The following CRACDL variants were observed in gnomAD, a reference collection of about 807,000 sequenced individuals.
CRACDL encodes the protein CRACD-like protein.
In CRACDL, 26 loss-of-function variants were observed where a neutral mutation model predicts 70.6. The observed-to-expected ratio is 0.37, with a 90% CI of 0.27 to 0.51. The LOEUF (loss-of-function observed/expected upper bound fraction) is 0.51, where lower values mean the gene tolerates loss of function less well. CRACDL is among the 20% of genes least tolerant of loss of function. The probability of loss-of-function intolerance (pLI) is 0.94; values close to 1 mark genes in which losing one functional copy is unlikely to be tolerated. For missense variants in CRACDL, 1,283 were observed against 1,376.9 expected, an observed-to-expected ratio of 0.93 and a Z score of 1.08; for synonymous variants, 618 against 615.2, an observed-to-expected ratio of 1.00 and a Z score of -0.07.
intron 7 of CRACDL, among the ~76,000 whole-genome samples, chr2:98,817,301 G>A (rs1021201940): frequency 2.0e-5 from 3 of 152,088 alleles, no homozygotes; most frequent in Admixed American, 1.3e-4. Flanking sequence ...TGTACCTATA[G>A]ACAACAATAC....
At chr2:98,925,805 C>T (rs867441657) in intron 1 of CRACDL, among the ~76,000 whole-genome samples, 7 of 152,052 alleles carry the variant, frequency 4.6e-5, no homozygotes, top group Non-Finnish European at 7.4e-5. Flanking sequence ...GAGCAATGCT[C>T]GACAGGTGGA....
At chr2:98,844,141 A>G (rs1007928323) in intron 2 of CRACDL, among the ~76,000 whole-genome samples, 1 of 152,178 alleles carries the variant, frequency 6.6e-6, no homozygotes, top group South Asian at 2.1e-4. Context: ...TAAAGAGTGC[A>G]CTGCAATCTC....
chr2:98,818,514 A>T (rs1302278051), intron 7 of CRACDL, among the ~76,000 whole-genome samples: 1 of 152,184 alleles, frequency 6.6e-6, no homozygotes, highest in African/African-American at 2.4e-5. Context: ...CCCTGGAGGG[A>T]GGACGGGGGA....
At chr2:98,826,474 G>T (rs1705306587) in intron 6 of CRACDL, among the ~76,000 whole-genome samples, 2 of 152,216 alleles carry the variant, frequency 1.3e-5, no homozygotes, top group Admixed American at 6.5e-5. Flanking sequence ...TTTGGCATGT[G>T]GCGAGTGTTC....
intron 1 of CRACDL, among the ~76,000 whole-genome samples, chr2:98,921,143 G>A (rs1006132793): frequency 6.6e-6 from 1 of 152,218 alleles, no homozygotes; most frequent in African/African-American, 2.4e-5. Flanking sequence ...GCCCCGTCTT[G>A]GAAATCAAGT....
chr2:98,809,624 C>T (rs2104431143), intron 7 of CRACDL: 1 of 152,278 alleles, frequency 6.6e-6, no homozygotes, highest in East Asian at 1.9e-4. Flanking sequence ...CTTTATTCCT[C>T]CCCACCGTCC....
At chr2:98,906,924 T>C (rs934132284) in intron 1 of CRACDL, among the ~76,000 whole-genome samples, 1 of 152,164 alleles carries the variant, frequency 6.6e-6, no homozygotes, top group African/African-American at 2.4e-5. Flanking sequence ...TTATTCCTAA[T>C]GTATGACGTT....
intron 7 of CRACDL, among the ~76,000 whole-genome samples, chr2:98,811,927 T>C (rs1704582303): frequency 1.3e-5 from 2 of 152,234 alleles, no homozygotes; most frequent in Admixed American, 6.5e-5. Flanking sequence ...TGTTTCCCAT[T>C]CACCAGCTGA....
intron 3 of CRACDL, among the ~76,000 whole-genome samples, chr2:98,837,350 T>G (rs754955443): frequency 8.6e-5 from 13 of 151,906 alleles, no homozygotes; most frequent in Non-Finnish European, 2.9e-5. Flanking sequence ...GACACCACTA[T>G]TGGGATGCTC....
chr2:98,888,987 G>C (rs928169907), intron 1 of CRACDL, among the ~76,000 whole-genome samples: 13 of 151,910 alleles, frequency 8.6e-5, no homozygotes, highest in African/African-American at 3.1e-4. Context: ...AATTAGCCAG[G>C]CATGGTGGTA....
intron 5 of CRACDL, among the ~76,000 whole-genome samples, chr2:98,829,314 C>T (rs558102518): frequency 6.6e-6 from 1 of 152,304 alleles, no homozygotes; most frequent in East Asian, 1.9e-4. Flanking sequence ...GACCTGTGCC[C>T]CAGGTACAAG....
intron 1 of CRACDL, among the ~76,000 whole-genome samples, chr2:98,863,626 T>C (rs1414670871): frequency 6.6e-6 from 1 of 152,230 alleles, no homozygotes; most frequent in South Asian, 2.1e-4. Flanking sequence ...GTTCAATTTA[T>C]GATTTTTGAC....
chr2:98,826,916 CAT>C (rs1705327115), intron 6 of CRACDL, 57 bp downstream of exon 6: 1 of 1,154,332 alleles, frequency 8.7e-7, no homozygotes. Flanking sequence ...TGGGGGGGGG[CAT>C]AGGGGGGTGC....
In CRACDL at chr2:98,826,727, G is replaced by T. The variant is rs188268924; in HGVS notation, c.735+248C>A. ...GGGAAGGCAACCAGTATTCAGTAGT[G>T]AGTGTGTGAGGAATGACGGACAGAC... On this transcript the variant is annotated intron_variant, in intron 6 of 9. Transcript: ENST00000397899. 4.6e-5 allele frequency among the ~76,000 whole-genome samples: 7 copies of T among 152,352 alleles called. 1 individual carries two copies. Among genetic ancestry groups the T allele is most frequent in the Admixed American group, 4.6e-4 (7 of 15,304 alleles).
At chr2:98,843,446 T>C (rs570033557) in intron 2 of CRACDL, among the ~76,000 whole-genome samples, 73 of 152,348 alleles carry the variant, frequency 4.8e-4, no homozygotes, top group African/African-American at 1.6e-3. Context: ...TCAGGTATTA[T>C]ATCTAAGAAC....
chr2:98,795,900 G>C (rs1197182644), intron 9 of CRACDL, among the ~76,000 whole-genome samples: 1 of 152,210 alleles, frequency 6.6e-6, no homozygotes, highest in Non-Finnish European at 1.5e-5. Context: ...GACCTGTGCA[G>C]TTCAAACCCG....
At chr2:98,928,272 A>T (rs1434801434) in intron 1 of CRACDL, among the ~76,000 whole-genome samples, 4 of 152,238 alleles carry the variant, frequency 2.6e-5, no homozygotes, top group African/African-American at 9.6e-5. Flanking sequence ...TATGTATGTT[A>T]GCGCATATAC....
intron 1 of CRACDL, among the ~76,000 whole-genome samples, chr2:98,851,094 C>T (rs1227677355): frequency 1.3e-5 from 2 of 152,204 alleles, no homozygotes; most frequent in African/African-American, 4.8e-5. Context: ...CCACACCACT[C>T]TCCAGGCTGT....
chr2:98,865,469 T>A lies in CRACDL; in HGVS notation c.-10-18659A>T, dbSNP rs79534353. On this transcript the variant is annotated intron_variant, in intron 1 of 9. Coordinates refer to ENST00000397899, the MANE Select transcript of CRACDL (RefSeq NM_207362.3). ...GATTCACGCCTGGTTACATTCCCCA[T>A]ACTTTTAATCAATTTTTCCCTTTCC... is the stretch of plus-strand genomic sequence containing the variant. Among the ~76,000 whole-genome samples, 1,408 of 152,278 alleles carry A rather than the reference T, an allele frequency of 9.2e-3. 2 individuals are homozygous for A. The highest frequency in any genetic ancestry group is 0.027 in the Middle Eastern group (8 of 294).
Sources: allele counts gnomAD v4.1 joint callset (sites outside exome capture counted in the v4.1 genomes callset), GRCh38; gene constraint gnomAD v4.1.1; transcripts MANE v1.5; gene names NCBI Gene and HGNC (gene_info 2026-07-23, HGNC 2026-07-21).